Variants in PARD6B observed in about 807,000 individuals in gnomAD.
The protein encoded by PARD6B is par-6 family cell polarity regulator beta.
PARD6B carries 4 observed loss-of-function variants against 10.5 expected under a neutral mutation model. The observed-to-expected ratio is 0.38, with a 90% CI of 0.19 to 0.87. The LOEUF (loss-of-function observed/expected upper bound fraction) is 0.87. Among genes scored for constraint, PARD6B ranks in the 40% least tolerant of loss-of-function variants. PARD6B has a pLI of 0.41. For synonymous variants in PARD6B, 169 were observed against 170.4 expected, an observed-to-expected ratio of 0.99 and a Z score of 0.07; for missense variants, 396 against 470.6, an observed-to-expected ratio of 0.84 and a Z score of 1.47.
chr20:50,753,180 C>T lies in PARD6B; in HGVS notation c.*2692C>T, dbSNP rs1323653887. ...CTGTAAAATACAGATTTATCTTGTA[C>T]GCATTCATGGAAATGGAAATCAAAG... On this transcript the variant is annotated 3_prime_UTR_variant, in exon 3 of 3. Coordinates refer to ENST00000371610, the MANE Select transcript of PARD6B (RefSeq NM_032521.3). 26 of 984,436 alleles carry T rather than the reference C, an allele frequency of 2.6e-5. No homozygotes were observed. The East Asian group carries it at 3.4e-4, about 13-fold the overall frequency. The allele number at this position is 984,436 out of a possible 1,614,324, so 61.0% of individuals were successfully genotyped here.
In PARD6B at chr20:50,737,915, A is replaced by C; in HGVS notation, c.125A>C (p.Glu42Ala). The C allele has an allele frequency of 6.2e-7, 1 of 1,609,100 alleles. No homozygotes were observed. Reference protein sequence around the residue: ...LERSKPGKFEEFYGLLQHVHK... With the variant: ...LERSKPGKFEAFYGLLQHVHK... ...AGATCAAAACCTGGAAAATTTGAGG[A>C]GTTTTATGGATTACTACAACATGTT... The change falls in exon 2 of 3, where the codon GAG (glutamate) becomes GCG (alanine). Residue 42 changes from glutamate to alanine, a missense_variant. Glu to Ala is a moderately radical substitution (Grantham distance 107). Coordinates refer to ENST00000371610, the MANE Select transcript of PARD6B (RefSeq NM_032521.3).
chr20:50,752,725 TTTCTC>T lies in PARD6B; in HGVS notation c.*2239_*2243del, dbSNP rs1411389453. On this transcript the variant is annotated 3_prime_UTR_variant, in exon 3 of 3. Coordinates refer to ENST00000371610, the MANE Select transcript of PARD6B (RefSeq NM_032521.3). Reference sequence around the variant, plus strand: ...CAAATGACTCCGCTTTGAAGGATGTTTTCTCTATATGGTAAAATATATATGAAGAA... The same window carrying T: ...CAAATGACTCCGCTTTGAAGGATGTTTATATGGTAAAATATATATGAAGAA... 1.0e-6 allele frequency: 1 copy of T among 981,972 alleles called. No individual in the cohort carries two copies. Among genetic ancestry groups the T allele is most frequent in the Non-Finnish European group, 1.2e-6 (1 of 826,508 alleles). The allele number at this position is 981,972 out of a possible 1,614,324, so 60.8% of individuals were successfully genotyped here. A position where few individuals can be genotyped will look rare whatever the true frequency, so the allele number is the denominator to read the frequency against.
chr20:50,743,089 T>A (rs897273974), intron 2 of PARD6B, among the ~76,000 whole-genome samples: 9 of 152,154 alleles, frequency 5.9e-5, no homozygotes, highest in African/African-American at 1.7e-4. Flanking sequence ...TAAAAATTTT[T>A]AAAAAAATAT....
intron 1 of PARD6B, among the ~76,000 whole-genome samples, chr20:50,732,831 G>A: frequency 6.6e-6 from 1 of 151,874 alleles, no homozygotes; most frequent in East Asian, 1.9e-4. Context: ...ACACTGGCTG[G>A]GCCCTGAGAA....
intron 1 of PARD6B, among the ~76,000 whole-genome samples, chr20:50,736,032 AC>A (rs2087497764): frequency 6.6e-6 from 1 of 152,190 alleles, no homozygotes; most frequent in Non-Finnish European, 1.5e-5. Flanking sequence ...GTGTGACTAA[AC>A]TTTTTGAGAG....
chr20:50,749,990 A>C lies in PARD6B; in HGVS notation c.621A>C (p.Gly207=). 6.2e-7 allele frequency: 1 copy of C among 1,614,216 alleles called. No homozygotes were observed. Among genetic ancestry groups the C allele is most frequent in the Non-Finnish European group, 8.5e-7 (1 of 1,180,042 alleles). The part of the protein sequence containing the change: ...LVPGGLAQST[G]LLAVNDEVLE... Reference sequence around the variant, plus strand: ...CAGGAGGTCTGGCTCAAAGTACAGGACTATTAGCTGTTAATGATGAAGTTT... The same window carrying C: ...CAGGAGGTCTGGCTCAAAGTACAGGCCTATTAGCTGTTAATGATGAAGTTT... Residue 207 remains glycine (G), a synonymous_variant, in exon 3 of 3, where the codon GGA becomes GGC. Transcript: ENST00000371610.
chr20:50,735,171 A>G (rs941332416), intron 1 of PARD6B, among the ~76,000 whole-genome samples: 1 of 152,214 alleles, frequency 6.6e-6, no homozygotes, highest in African/African-American at 2.4e-5. Flanking sequence ...AAAAAATGCA[A>G]TAAAGCAGTA....
At chr20:50,745,157 C>T (rs1390394872) in intron 2 of PARD6B, among the ~76,000 whole-genome samples, 1 of 152,176 alleles carries the variant, frequency 6.6e-6, no homozygotes, top group Non-Finnish European at 1.5e-5. Context: ...TGGCTGGGCG[C>T]AGTGGCTCAC....
chr20:50,734,503 A>C (rs1237595950), intron 1 of PARD6B, among the ~76,000 whole-genome samples: 1 of 151,218 alleles, frequency 6.6e-6, no homozygotes, highest in Non-Finnish European at 1.5e-5. Flanking sequence ...GCACCACTAC[A>C]CCCAGCTTAT....
chr20:50,738,125 G>A (rs374287563), intron 2 of PARD6B, 46 bp downstream of exon 2: 8 of 1,411,158 alleles, frequency 5.7e-6, no homozygotes, highest in Non-Finnish European at 5.8e-6. Context: ...TAGAAATAGT[G>A]TATTTTCCCC....
At chr20:50,749,581 T>A (rs2087588028) in intron 2 of PARD6B, 78 bp from the exon 3 acceptor site, 1 of 1,250,072 alleles carries the variant, frequency 8.0e-7, no homozygotes, top group Non-Finnish European at 1.1e-6. Context: ...TGAGTTATCC[T>A]TTCTGTACAG....
rs1476858282 is a variant in PARD6B at position 50,752,173 on chromosome 20, C to G, written c.*1685C>G. 2 of 985,502 alleles carry G rather than the reference C, an allele frequency of 2.0e-6. No homozygotes were observed. Among genetic ancestry groups the G allele is most frequent in the Non-Finnish European group, 2.4e-6 (2 of 829,818 alleles). 61.0% of individuals were successfully genotyped at this position (985,502 alleles called of 1,614,324 possible). A position where few individuals can be genotyped will look rare whatever the true frequency, so the allele number is the denominator to read the frequency against. ...TCTCTCCTTTAACCTATTCTTGTTC[C>G]CATTCCCAGTCTCATTTGAAATCAT... On this transcript the variant is annotated 3_prime_UTR_variant, in exon 3 of 3. Transcript: ENST00000371610.
At position 50,750,360 on chromosome 20, in the gene PARD6B, C is replaced by A. The variant is rs925603300; in HGVS notation, c.991C>A (p.Gln331Lys). The A allele has an allele frequency of 6.2e-7, 1 of 1,614,178 alleles. No homozygotes were observed. The highest frequency in any genetic ancestry group is 8.5e-7 in the Non-Finnish European group (1 of 1,180,020). The change falls in exon 3 of 3, where the codon CAG becomes AAG. Residue 331 changes from glutamine (Q) to lysine (K), a missense_variant. Physicochemically the swap from Gln to Lys is moderately conservative, Grantham distance 53. This residue lies in a region of PARD6B where 188 missense variants were observed against 169.7 expected (regional missense o/e 1.11). Transcript: ENST00000371610. ...TQIELSFESG[Q>K]NGFIPSNEVS... Reference sequence around the variant, plus strand: ...GATAGAGCTAAGCTTTGAGTCTGGACAGAATGGCTTTATTCCCTCTAATGA... The same window carrying A: ...GATAGAGCTAAGCTTTGAGTCTGGAAAGAATGGCTTTATTCCCTCTAATGA...
At chr20:50,742,040 A>G (rs1043497148) in intron 2 of PARD6B, among the ~76,000 whole-genome samples, 4 of 151,984 alleles carry the variant, frequency 2.6e-5, no homozygotes, top group Non-Finnish European at 5.9e-5. Context: ...CAGAAGTTAC[A>G]CTTAATATGT....
chr20:50,740,697 A>G (rs1419811338), intron 2 of PARD6B, among the ~76,000 whole-genome samples: 1 of 152,196 alleles, frequency 6.6e-6, no homozygotes, highest in African/African-American at 2.4e-5. Context: ...TAGCCCTTAG[A>G]ATTTGATTTA....
chr20:50,731,726 TC>T lies in PARD6B; in HGVS notation c.-57del. 5 of 1,373,176 alleles carry T rather than the reference TC, an allele frequency of 3.6e-6. No homozygotes were observed. In the South Asian group the frequency reaches 4.7e-5, roughly 13 times the overall value. 85.1% of individuals were successfully genotyped at this position (1,373,176 alleles called of 1,614,324 possible). A position where few individuals can be genotyped will look rare whatever the true frequency, so the allele number is the denominator to read the frequency against. Reference sequence around the variant, plus strand: ...CCGAGATCCCCAGTCGCGCACTCGCTCCCCGCGCTCCTGAGGGGCCGCCCGG... The same window carrying T: ...CCGAGATCCCCAGTCGCGCACTCGCTCCCGCGCTCCTGAGGGGCCGCCCGG... On this transcript the variant is annotated 5_prime_UTR_variant, in exon 1 of 3. Coordinates refer to ENST00000371610, the MANE Select transcript of PARD6B (RefSeq NM_032521.3).
At position 50,743,226 on chromosome 20, in the gene PARD6B, T is replaced by A. The variant is rs577141258; in HGVS notation, c.289+5147T>A. Among the ~76,000 whole-genome samples the A allele has an allele frequency of 1.3e-4, 20 of 152,354 alleles. 1 individual carries two copies. In the South Asian group the frequency reaches 4.2e-3, roughly 32 times the overall value. ...ATCAGCCAGGTGGAGGATCTGTTGA[T>A]GTGCTACAGAACAGACCCCTCTCCA... On this transcript the variant is annotated intron_variant, in intron 2 of 2. Coordinates refer to ENST00000371610, the MANE Select transcript of PARD6B (RefSeq NM_032521.3).
chr20:50,751,737 T>C lies in PARD6B; in HGVS notation c.*1249T>C. On this transcript the variant is annotated 3_prime_UTR_variant, in exon 3 of 3. Coordinates refer to ENST00000371610, the MANE Select transcript of PARD6B (RefSeq NM_032521.3). ...AGCTGAGGAAGCTTTTTTTTTTTTT[T>C]TTTGAGACAGAGTCTCTGTCACCCA... 1.0e-6 allele frequency: 1 copy of C among 983,332 alleles called. No homozygotes were observed. Among genetic ancestry groups the C allele is most frequent in the South Asian group, 4.7e-5 (1 of 21,188 alleles). 60.9% of individuals were successfully genotyped at this position (983,332 alleles called of 1,614,324 possible).
chr20:50,743,452 A>G (rs918588804), intron 2 of PARD6B, among the ~76,000 whole-genome samples: 2 of 152,230 alleles, frequency 1.3e-5, no homozygotes, highest in African/African-American at 4.8e-5. Context: ...GTAACTGGGC[A>G]TCTAAATCAT....
Sources: allele counts gnomAD v4.1 joint callset (sites outside exome capture counted in the v4.1 genomes callset), GRCh38; gene constraint gnomAD v4.1.1; regional missense constraint gnomAD v4.1.1; transcripts MANE v1.5; gene names NCBI Gene and HGNC (gene_info 2026-07-23, HGNC 2026-07-21).